MECOM: variants seen among roughly 807,000 people sequenced by gnomAD.
MECOM encodes the protein histone-lysine N-methyltransferase MECOM.
MECOM carries 13 observed loss-of-function variants against 116.3 expected under a neutral mutation model. The observed-to-expected ratio is 0.11, with a 90% CI of 0.07 to 0.18. The LOEUF (loss-of-function observed/expected upper bound fraction) is 0.18, where lower values mean the gene tolerates loss of function less well. Ranked by LOEUF, MECOM falls within the 10% of genes least tolerant of loss-of-function variation. The probability of loss-of-function intolerance (pLI) is 1.00; values close to 1 mark genes in which losing one functional copy is unlikely to be tolerated. For synonymous variants in MECOM, 528 were observed against 535.2 expected, an observed-to-expected ratio of 0.99 and a Z score of 0.19; for missense variants, 1,299 against 1,509.0, an observed-to-expected ratio of 0.86 and a Z score of 2.31.
chr3:169,402,611 G>T (rs1362639540), intron 1 of MECOM, among the ~76,000 whole-genome samples: 1 of 151,986 alleles, frequency 6.6e-6, no homozygotes, highest in Non-Finnish European at 1.5e-5. Flanking sequence ...AGCCAAGATT[G>T]CACCATTGCA....
intron 1 of MECOM, among the ~76,000 whole-genome samples, chr3:169,472,417 GAGGAAAGGAA>G (rs774836004): frequency 7.3e-6 from 1 of 137,354 alleles, no homozygotes; most frequent in Admixed American, 7.9e-5. Context: ...GAGGAGAGGA[GAGGAAAGGAA>G]AGGAAAGGAG....
chr3:169,322,167 T>C (rs1487441403), intron 2 of MECOM, among the ~76,000 whole-genome samples: 1 of 152,226 alleles, frequency 6.6e-6, no homozygotes, highest in African/African-American at 2.4e-5. Flanking sequence ...GAAAATTAAC[T>C]GAATCTCGTG....
chr3:169,338,304 G>A (rs891586524), intron 2 of MECOM, among the ~76,000 whole-genome samples: 2 of 152,104 alleles, frequency 1.3e-5, no homozygotes, highest in Non-Finnish European at 2.9e-5. Flanking sequence ...ACTGAGCTAG[G>A]TCTCATAGCA....
chr3:169,255,678 A>T (rs1228992950), intron 2 of MECOM, among the ~76,000 whole-genome samples: 1 of 152,178 alleles, frequency 6.6e-6, no homozygotes, highest in African/African-American at 2.4e-5. Context: ...TTTGCATCAA[A>T]ATCTTGCACT....
At chr3:169,148,497 C>T (rs1740542289) in intron 2 of MECOM, among the ~76,000 whole-genome samples, 1 of 152,114 alleles carries the variant, frequency 6.6e-6, no homozygotes, top group South Asian at 2.1e-4. Context: ...TAGTAAATCC[C>T]ACTGGCTAAA....
chr3:169,444,666 T>C (rs1047936372), intron 1 of MECOM, among the ~76,000 whole-genome samples: 1 of 151,812 alleles, frequency 6.6e-6, no homozygotes, highest in African/African-American at 2.4e-5. Flanking sequence ...ACCAGTAGAG[T>C]GGGGTGTTGC....
chr3:169,408,005 A>G (rs1445371222), intron 1 of MECOM, among the ~76,000 whole-genome samples: 1 of 152,226 alleles, frequency 6.6e-6, no homozygotes, highest in East Asian at 1.9e-4. Flanking sequence ...CAGTGTTAAC[A>G]AAGAGCAGGA....
intron 2 of MECOM, among the ~76,000 whole-genome samples, chr3:169,302,023 T>G (rs1330207440): frequency 6.6e-6 from 1 of 152,170 alleles, no homozygotes; most frequent in African/African-American, 2.4e-5. Context: ...AATATATGCC[T>G]CCTAAATGTC....
chr3:169,204,052 G>C (rs931941316), intron 2 of MECOM, among the ~76,000 whole-genome samples: 1 of 152,140 alleles, frequency 6.6e-6, no homozygotes, highest in Non-Finnish European at 1.5e-5. Flanking sequence ...ATTTGGTTGA[G>C]CTATCAAATT....
chr3:169,628,888 T>G (rs1771723700), intron 1 of MECOM, among the ~76,000 whole-genome samples: 1 of 152,118 alleles, frequency 6.6e-6, no homozygotes, highest in Non-Finnish European at 1.5e-5. Context: ...AGGAGCAGAA[T>G]TCAGAGTGGG....
chr3:169,413,042 A>G (rs1426867913), intron 1 of MECOM, among the ~76,000 whole-genome samples: 2 of 152,244 alleles, frequency 1.3e-5, no homozygotes, highest in Non-Finnish European at 2.9e-5. Flanking sequence ...TTTTAAAAAC[A>G]TAGTTAGGAG....
chr3:169,101,004 G>T, intron 11 of MECOM, 42 bp from the exon 12 acceptor site: 1 of 1,471,222 alleles, frequency 6.8e-7, no homozygotes, highest in South Asian at 1.2e-5. Context: ...CAGCACAGTT[G>T]ACTATATTTC....
intron 1 of MECOM, among the ~76,000 whole-genome samples, chr3:169,605,974 G>A (rs1488381670): frequency 6.6e-6 from 1 of 152,164 alleles, no homozygotes; most frequent in African/African-American, 2.4e-5. Context: ...ACCAGAACCT[G>A]AAAATGTGAT....
At chr3:169,314,759 G>T (rs766995118) in intron 2 of MECOM, among the ~76,000 whole-genome samples, 1 of 152,054 alleles carries the variant, frequency 6.6e-6, no homozygotes, top group Non-Finnish European at 1.5e-5. Context: ...AGAGGAAAAG[G>T]CAAAAAGAAG....
In MECOM at chr3:169,112,817, C is replaced by T. The variant is rs1560174763; in HGVS notation, c.2547G>A (p.Arg849=). 1.4e-5 allele frequency: 23 copies of T among 1,613,042 alleles called. No individual in the cohort carries two copies. The highest frequency in any genetic ancestry group is 2.0e-5 in the Non-Finnish European group (23 of 1,179,386). ...PLEALKEKYL[R]PSPGFLFHPQ... ...GGTGAAACAAGAATCCTGGAGAAGG[C>T]CTCAAGTATTTCTCTTTTAAAGCTT... The change falls in exon 9 of 17, where the codon AGG becomes AGA. Residue 849 remains arginine, a synonymous_variant. Coordinates refer to ENST00000651503, the MANE Select transcript of MECOM (RefSeq NM_004991.4).
At chr3:169,393,979 A>G (rs1013092622) in intron 1 of MECOM, among the ~76,000 whole-genome samples, 1 of 152,174 alleles carries the variant, frequency 6.6e-6, no homozygotes, top group African/African-American at 2.4e-5. Flanking sequence ...AGAAAAAATT[A>G]TAACTGTTAT....
At chr3:169,529,366 G>A (rs1758319076) in intron 1 of MECOM, among the ~76,000 whole-genome samples, 2 of 152,200 alleles carry the variant, frequency 1.3e-5, no homozygotes, top group Admixed American at 6.5e-5. Context: ...ATTTGATTGA[G>A]GGACCTTCCC....
intron 2 of MECOM, among the ~76,000 whole-genome samples, chr3:169,292,861 T>A (rs1172646047): frequency 3.3e-5 from 5 of 152,172 alleles, no homozygotes; most frequent in Non-Finnish European, 7.3e-5. Context: ...TTTAGAGGCA[T>A]GTGGGGCATT....
intron 1 of MECOM, among the ~76,000 whole-genome samples, chr3:169,472,464 G>GGAAAGGA (rs1472855401): frequency 1.6e-5 from 1 of 64,108 alleles, no homozygotes; most frequent in African/African-American, 6.0e-5. Context: ...GGAAGGGAAA[G>GGAAAGGA]AAGGAAAGGA....
Sources: allele counts gnomAD v4.1 joint callset (sites outside exome capture counted in the v4.1 genomes callset), GRCh38; gene constraint gnomAD v4.1.1; transcripts MANE v1.5; gene names NCBI Gene and HGNC (gene_info 2026-07-23, HGNC 2026-07-21).